The following PCDHGB2 variants were observed in gnomAD, a reference collection of about 807,000 sequenced individuals.
PCDHGB2 encodes protocadherin gamma-B2.
A neutral mutation model predicts 59.3 loss-of-function variants in PCDHGB2; 55 were observed. The ratio of observed to expected loss-of-function variants is 0.93; its 90% CI spans 0.75 to 1.16. The LOEUF (loss-of-function observed/expected upper bound fraction) is 1.16. PCDHGB2 is among the 50% of genes most tolerant of loss of function. The pLI is 0.00. For synonymous variants in PCDHGB2, 516 were observed against 512.0 expected (o/e 1.01, Z -0.11); for missense variants, 1,228 against 1,198.5 (o/e 1.02, Z -0.36).
In PCDHGB2 at chr5:141,486,403, T is replaced by C; in HGVS notation, c.2422-8404T>C. ...GGAACCAGTTCTCCCTGGTGACTGC[T>C]GGACCCTTGGATCGAGAGGCCAAAT... On this transcript the variant is annotated intron_variant, in intron 1 of 3. Coordinates refer to ENST00000522605, the MANE Select transcript of PCDHGB2 (RefSeq NM_018923.3). This position sits in a 1 kb window ranked among gnomAD's most constrained non-coding sequence, Gnocchi z 5.0. The C allele has an allele frequency of 6.2e-7, 1 of 1,614,212 alleles. No individual in the cohort carries two copies. Among genetic ancestry groups the C allele is most frequent in the Non-Finnish European group, 8.5e-7 (1 of 1,180,034 alleles).
rs1347087103 is a variant in PCDHGB2 at position 141,409,851 on chromosome 5, T to C, written c.2421+47295T>C. 4 of 1,612,112 alleles carry C rather than the reference T, an allele frequency of 2.5e-6. No homozygotes were observed. In the Admixed American group the frequency reaches 6.7e-5, roughly 27 times the overall value. On this transcript the variant is annotated intron_variant, in intron 1 of 3. Transcript: ENST00000522605. ...CTCAGCGCCAACGTGAGCCTGCGCG[T>C]GTTGGTGGGAGACCGCAATGACAAC...
At chr5:141,372,324 G>C in intron 1 of PCDHGB2, 2 of 1,613,704 alleles carry the variant, frequency 1.2e-6, no homozygotes, top group South Asian at 2.2e-5. Context: ...GCGCCTGCTG[G>C]TCACTGTGCG....
Position 141,486,098 on chromosome 5 carries a change from G to A in PCDHGB2, c.2422-8709G>A, listed in dbSNP as rs1211678224. ...AAAGCTTACTCTTTTGGGGCCCCTA[G>A]ACTTTGAGAGTGAGAATTACTATGA... On this transcript the variant is annotated intron_variant, in intron 1 of 3. Transcript: ENST00000522605. This position sits in a 1 kb window ranked among gnomAD's most constrained non-coding sequence, Gnocchi z 5.0. 5.0e-6 allele frequency: 8 copies of A among 1,614,032 alleles called. No homozygotes were observed. Among genetic ancestry groups the A allele is most frequent in the Admixed American group, 3.3e-5 (2 of 59,994 alleles).
At chr5:141,423,841 T>A (rs1413277726) in intron 1 of PCDHGB2, 15 of 1,282,014 alleles carry the variant, frequency 1.2e-5, no homozygotes, top group Non-Finnish European at 1.4e-5. Context: ...ATTACGATAA[T>A]CTTTCAGAAC....
chr5:141,399,510 C>G, intron 1 of PCDHGB2: 1 of 1,614,040 alleles, frequency 6.2e-7, no homozygotes, highest in East Asian at 2.2e-5. Flanking sequence ...CCGAAAACAA[C>G]CCTCCTGGGG....
In PCDHGB2 at chr5:141,432,172, C is replaced by G. The variant is rs562175068; in HGVS notation, c.2422-62635C>G. On this transcript the variant is annotated intron_variant, in intron 1 of 3. Transcript: ENST00000522605. This position sits in a 1 kb window ranked among gnomAD's most constrained non-coding sequence, Gnocchi z 6.0. ...AGAACAATCCCAGAGGAGTTTCCCTCGTCTCTGTGACCGCCCACGACCCCG... is the reference window on the plus strand; with the variant it reads ...AGAACAATCCCAGAGGAGTTTCCCTGGTCTCTGTGACCGCCCACGACCCCG... 9 of 1,614,034 alleles carry G rather than the reference C, an allele frequency of 5.6e-6. No homozygotes were observed. The highest frequency in any genetic ancestry group is 7.6e-6 in the Non-Finnish European group (9 of 1,180,046).
chr5:141,510,995 G>T lies in PCDHGB2; in HGVS notation c.2618G>T (p.Gly873Val). ...STLGGGAGTM[G>V]LSARYGPQFT... is the part of the protein sequence containing the mutation. ...CTGGGAGGGGGTGCCGGCACCATGG[G>T]ATTGAGCGCCCGCTACGGACCCCAG... is the stretch of plus-strand genomic sequence containing the variant. Residue 873 changes from glycine to valine, a missense_variant, in exon 4 of 4, where the codon GGA becomes GTA. Physicochemically the swap from Gly to Val is moderately radical, Grantham distance 109. Around this residue, in one of 3 missense-constraint regions of PCDHGB2, gnomAD observed 433 missense variants for 441.8 expected, o/e 0.98. Coordinates refer to ENST00000522605, the MANE Select transcript of PCDHGB2 (RefSeq NM_018923.3). The T allele has an allele frequency of 6.2e-7, 1 of 1,614,172 alleles. No individual in the cohort carries two copies. Among genetic ancestry groups the T allele is most frequent in the Non-Finnish European group, 8.5e-7 (1 of 1,180,018 alleles).
At chr5:141,395,472 A>T in intron 1 of PCDHGB2, 1 of 548,076 alleles carries the variant, frequency 1.8e-6, no homozygotes, top group South Asian at 2.6e-5. Flanking sequence ...GCCTTCCAGT[A>T]TTTTATTCCT....
intron 1 of PCDHGB2, chr5:141,393,114 C>T (rs750579370): frequency 1.9e-6 from 3 of 1,613,418 alleles, no homozygotes; most frequent in Non-Finnish European, 8.5e-7. Context: ...TCAGAGCCCG[C>T]GGTGTCTGAT....
chr5:141,366,351 A>T, intron 1 of PCDHGB2: 1 of 1,613,946 alleles, frequency 6.2e-7, no homozygotes, highest in Non-Finnish European at 8.5e-7. Context: ...ATCCTGGCTG[A>T]CCTAGGCAGT....
At chr5:141,408,301 C>A in intron 1 of PCDHGB2, 1 of 1,613,756 alleles carries the variant, frequency 6.2e-7, no homozygotes, top group Non-Finnish European at 8.5e-7. Flanking sequence ...GTGAGCCGAT[C>A]CGCTACTCGA....
At chr5:141,405,488 C>T (rs781076927) in intron 1 of PCDHGB2, 5 of 895,936 alleles carry the variant, frequency 5.6e-6, no homozygotes, top group Middle Eastern at 2.9e-4. Context: ...GGTGTGATCT[C>T]GGCTCATTGC....
Position 141,487,421 on chromosome 5 carries a change from C to T in PCDHGB2, c.2422-7386C>T. ...GGGGCTTCCCCCTTCCAATGGGATC[C>T]TCCGAATCCAGCTAGGGTCAGATGA... On this transcript the variant is annotated intron_variant, in intron 1 of 3. Coordinates refer to ENST00000522605, the MANE Select transcript of PCDHGB2 (RefSeq NM_018923.3). This position sits in a 1 kb window ranked among gnomAD's most constrained non-coding sequence, Gnocchi z 5.0. The T allele has an allele frequency of 6.2e-7, 1 of 1,614,144 alleles. No homozygotes were observed. The highest frequency in any genetic ancestry group is 1.1e-5 in the South Asian group (1 of 91,082).
intron 1 of PCDHGB2, chr5:141,478,342 G>T (rs1489278202): frequency 6.2e-7 from 1 of 1,613,862 alleles, no homozygotes; most frequent in Non-Finnish European, 8.5e-7. Flanking sequence ...GGCCCTCCTT[G>T]CACGCGGACG....
At chr5:141,444,183 T>G (rs2098423667) in intron 1 of PCDHGB2, among the ~76,000 whole-genome samples, 1 of 138,396 alleles carries the variant, frequency 7.2e-6, no homozygotes, top group African/African-American at 2.8e-5. Flanking sequence ...TTTTTTTTTT[T>G]TTTTTGAGAT....
In PCDHGB2 at chr5:141,493,577, T is replaced by C. The variant is rs2099749081; in HGVS notation, c.2422-1230T>C. On this transcript the variant is annotated intron_variant, in intron 1 of 3. Coordinates refer to ENST00000522605, the MANE Select transcript of PCDHGB2 (RefSeq NM_018923.3). This position sits in a 1 kb window ranked among gnomAD's most constrained non-coding sequence, Gnocchi z 4.3. ...GAGTTCCCCCAGCTCCGTTTCCTCC[T>C]ATCACAATCACTGCATTTCCATGTA... Among the ~76,000 whole-genome samples, 2 of 152,208 alleles carry C rather than the reference T, an allele frequency of 1.3e-5. No homozygotes were observed. The highest frequency in any genetic ancestry group is 1.3e-4 in the Admixed American group (2 of 15,280).
intron 1 of PCDHGB2, chr5:141,428,335 T>G (rs535486665): frequency 3.3e-6 from 2 of 615,106 alleles, no homozygotes; most frequent in East Asian, 5.9e-5. Context: ...TTCTATGCTC[T>G]TCTTCCTCGC....
At chr5:141,388,969 C>A (rs1392290138) in intron 1 of PCDHGB2, 1 of 1,613,882 alleles carries the variant, frequency 6.2e-7, no homozygotes, top group Non-Finnish European at 8.5e-7. Context: ...GAGCTGGGAA[C>A]ACATATTGCT....
At chr5:141,387,602 G>A in intron 1 of PCDHGB2, 3 of 545,116 alleles carry the variant, frequency 5.5e-6, no homozygotes, top group Middle Eastern at 9.5e-4. Context: ...AGCAGCAGAG[G>A]CTGTAGTTTC....
Sources: gnomAD v4.1 joint callset for allele counts (sites outside exome capture counted in the v4.1 genomes callset) on GRCh38, gnomAD v4.1.1 for gene constraint, gnomAD v4.1.1 regional missense constraint, Gnocchi (gnomAD v3.1) non-coding constraint, MANE v1.5 for transcripts, NCBI Gene and HGNC (gene_info 2026-07-23, HGNC 2026-07-21) for gene names.